ABCA13: variants seen among roughly 807,000 people sequenced by gnomAD.
ABCA13 encodes the protein ATP-binding cassette sub-family A member 13.
ABCA13 carries 476 observed loss-of-function variants against 478.7 expected under a neutral mutation model. That is an observed-to-expected ratio of 0.99 (90% confidence interval 0.92 to 1.07). The LOEUF (loss-of-function observed/expected upper bound fraction) is 1.07, where lower values mean the gene tolerates loss of function less well. Ranked by LOEUF, ABCA13 falls within the 50% of genes least tolerant of loss-of-function variation. The probability of loss-of-function intolerance (pLI) is 0.00; values close to 1 mark genes in which losing one functional copy is unlikely to be tolerated. For missense variants in ABCA13, 6,060 were observed against 5,910.6 expected, an observed-to-expected ratio of 1.03 and a Z score of -0.83; for synonymous variants, 2,252 against 2,158.9, an observed-to-expected ratio of 1.04 and a Z score of -1.20.
chr7:48,361,471 C>G (rs974219750), intron 31 of ABCA13, among the ~76,000 whole-genome samples: 11 of 151,660 alleles, frequency 7.3e-5, no homozygotes, highest in African/African-American at 2.7e-4. Context: ...TCTGTTTTCT[C>G]AAAGAACCCT....
At chr7:48,380,531 T>A (rs1277092200) in intron 35 of ABCA13, among the ~76,000 whole-genome samples, 1 of 152,204 alleles carries the variant, frequency 6.6e-6, no homozygotes, top group Non-Finnish European at 1.5e-5. Context: ...TGAGTTTATA[T>A]GTCCTAGGCT....
chr7:48,248,361 G>A lies in ABCA13; in HGVS notation c.1782G>A (p.Arg594=). The change falls in exon 14 of 62, where the codon CGG becomes CGA. Residue 594 remains arginine, a synonymous_variant. Coordinates refer to ENST00000435803, the MANE Select transcript of ABCA13 (RefSeq NM_152701.5). The part of the protein sequence containing the change: ...QLSEASLSCT[R]LFLLLGADPS... ...CAGAAGCAAGCCTTTCCTGTACTCG[G>A]CTCTTCCTGCTGCTGGGAGCTGATC... is the stretch of plus-strand genomic sequence containing the variant. 6.2e-7 allele frequency: 1 copy of A among 1,613,760 alleles called. No homozygotes were observed. Among genetic ancestry groups the A allele is most frequent in the Non-Finnish European group, 8.5e-7 (1 of 1,179,738 alleles).
intron 35 of ABCA13, among the ~76,000 whole-genome samples, chr7:48,386,517 T>C (rs2129049944): frequency 6.6e-6 from 1 of 152,330 alleles, no homozygotes; most frequent in South Asian, 2.1e-4. Context: ...CATAACAGCA[T>C]GGTTCTGGTA....
chr7:48,433,326 A>G (rs1752846467), intron 42 of ABCA13, among the ~76,000 whole-genome samples: 1 of 151,622 alleles, frequency 6.6e-6, no homozygotes, highest in Admixed American at 6.6e-5. Context: ...TTAAAAAACA[A>G]AGAAAAATAA....
At position 48,416,105 on chromosome 7, in the gene ABCA13, CT is replaced by C. The variant is rs534618482; in HGVS notation, c.12459+3524del. ...GCTGTGCTGTTTCATGTTTGCTGTG[CT>C]TGTGTTGCTCGTATTATCTTCAGAA... is the stretch of plus-strand genomic sequence containing the variant. On this transcript the variant is annotated intron_variant, in intron 41 of 61. Coordinates refer to ENST00000435803, the MANE Select transcript of ABCA13 (RefSeq NM_152701.5). 1.3e-3 allele frequency among the ~76,000 whole-genome samples: 202 copies of C among 152,254 alleles called. 1 individual carries two copies. Among genetic ancestry groups the C allele is most frequent in the Middle Eastern group, 3.4e-3 (1 of 294 alleles).
intron 16 of ABCA13, among the ~76,000 whole-genome samples, chr7:48,269,575 A>G (rs1010581806): frequency 5.9e-5 from 9 of 152,180 alleles, no homozygotes; most frequent in Admixed American, 3.3e-4. Context: ...TCTGGTTATG[A>G]ATAGTGTGTC....
intron 7 of ABCA13, among the ~76,000 whole-genome samples, chr7:48,233,696 T>C (rs185434615): frequency 6.6e-6 from 1 of 152,348 alleles, no homozygotes; most frequent in Admixed American, 6.5e-5. Context: ...AGATATCTGA[T>C]TAAGCTTCTT....
chr7:48,565,238 T>C (rs1215795100), intron 55 of ABCA13, among the ~76,000 whole-genome samples: 1 of 139,914 alleles, frequency 7.1e-6, no homozygotes, highest in Non-Finnish European at 1.5e-5. Flanking sequence ...TTTTTGCCAG[T>C]AGTTTATAAC....
chr7:48,427,620 C>A, intron 41 of ABCA13, 146 bp from the exon 42 acceptor site: 1 of 601,406 alleles, frequency 1.7e-6, no homozygotes. Context: ...TAGAGTTATG[C>A]CAATTAAATG....
At position 48,579,163 on chromosome 7, in the gene ABCA13, C is replaced by T. The variant is rs370359042; in HGVS notation, c.14355-1061C>T. 1.1e-4 allele frequency among the ~76,000 whole-genome samples: 16 copies of T among 152,296 alleles called. 1 individual carries two copies. In the South Asian group the frequency reaches 3.3e-3, roughly 32 times the overall value. ...GACTTCATTAAAGTACATTTCTGCTCCTGCAAAAGACACTGTTAAGACATT... is the reference window on the plus strand; with the variant it reads ...GACTTCATTAAAGTACATTTCTGCTTCTGCAAAAGACACTGTTAAGACATT... On this transcript the variant is annotated intron_variant, in intron 55 of 61. Transcript: ENST00000435803.
At chr7:48,394,164 A>G (rs1327455963) in intron 38 of ABCA13, among the ~76,000 whole-genome samples, 3 of 152,076 alleles carry the variant, frequency 2.0e-5, no homozygotes, top group African/African-American at 7.3e-5. Context: ...ATCTAAAGGT[A>G]TGGAGGCCTA....
rs1827516515 is a variant in ABCA13, at chr7:48,471,682, A to G, written c.12975+83A>G. 15 of 1,302,044 alleles carry G rather than the reference A, an allele frequency of 1.2e-5. 1 individual carries two copies. The Middle Eastern group carries it at 1.5e-3, about 128-fold the overall frequency. The allele number at this position is 1,302,044 out of a possible 1,614,324, so 80.7% of individuals were successfully genotyped here. On this transcript the variant is annotated intron_variant, in intron 45 of 61. Transcript: ENST00000435803. The stretch of plus-strand genomic sequence containing the variant: ...AGTTTACCCTATCTATAAAATTTTC[A>G]TATTTGTAACTGTGTCTTTATAACT...
chr7:48,497,780 C>T (rs1173268338), intron 48 of ABCA13, among the ~76,000 whole-genome samples: 1 of 152,140 alleles, frequency 6.6e-6, no homozygotes, highest in African/African-American at 2.4e-5. Context: ...AGTCTGCTCC[C>T]CATTGGGCCC....
intron 3 of ABCA13, among the ~76,000 whole-genome samples, chr7:48,212,818 A>G (rs1396214725): frequency 6.6e-6 from 1 of 152,088 alleles, no homozygotes; most frequent in African/African-American, 2.4e-5. Flanking sequence ...TTTTACATAT[A>G]CTGGTCACAA....
chr7:48,535,040 T>C (rs1833474975), intron 55 of ABCA13, among the ~76,000 whole-genome samples: 1 of 152,248 alleles, frequency 6.6e-6, no homozygotes. Flanking sequence ...TTTTGATCCA[T>C]TGCTGGTGAG....
intron 32 of ABCA13, among the ~76,000 whole-genome samples, chr7:48,369,272 G>T (rs1812261359): frequency 1.3e-5 from 2 of 151,742 alleles, no homozygotes; most frequent in Admixed American, 1.3e-4. Context: ...GCAGTTCTTT[G>T]TAGATTCTGG....
intron 23 of ABCA13, among the ~76,000 whole-genome samples, chr7:48,307,911 T>C (rs1430172468): frequency 2.0e-5 from 3 of 152,154 alleles, no homozygotes; most frequent in Non-Finnish European, 4.4e-5. Flanking sequence ...CTCAAACTCC[T>C]GACCTCAGGC....
chr7:48,257,540 T>G (rs1359428965), intron 15 of ABCA13, among the ~76,000 whole-genome samples: 1 of 152,254 alleles, frequency 6.6e-6, no homozygotes, highest in Non-Finnish European at 1.5e-5. Flanking sequence ...AATAGCCTTT[T>G]CTGCATCTAT....
intron 58 of ABCA13, among the ~76,000 whole-genome samples, chr7:48,612,691 A>G (rs1026814876): frequency 6.6e-6 from 1 of 152,190 alleles, no homozygotes; most frequent in Non-Finnish European, 1.5e-5. Flanking sequence ...GATGCTTACT[A>G]TTATAAATAA....
Sources: gnomAD v4.1 joint callset for allele counts (sites outside exome capture counted in the v4.1 genomes callset) on GRCh38, gnomAD v4.1.1 for gene constraint, MANE v1.5 for transcripts, NCBI Gene and HGNC (gene_info 2026-07-23, HGNC 2026-07-21) for gene names.